FRMD4A: variants seen among roughly 807,000 people sequenced by gnomAD.
The protein encoded by FRMD4A is FERM domain containing 4A, also known as FERM domain-containing protein 4A.
In FRMD4A, 29 loss-of-function variants were observed where a neutral mutation model predicts 129.1. The observed-to-expected ratio is 0.22, with a 90% CI of 0.17 to 0.31. The LOEUF is 0.31. Ranked by LOEUF, FRMD4A falls within the 10% of genes least tolerant of loss-of-function variation. The probability of loss-of-function intolerance (pLI) is 1.00; values close to 1 mark genes in which losing one functional copy is unlikely to be tolerated. For synonymous variants in FRMD4A, 634 were observed against 571.6 expected, an observed-to-expected ratio of 1.11 and a Z score of -1.56; for missense variants, 1,272 against 1,375.8, an observed-to-expected ratio of 0.92 and a Z score of 1.19.
At chr10:14,207,567 T>A (rs144732593) in intron 2 of FRMD4A, among the ~76,000 whole-genome samples, 1 of 152,240 alleles carries the variant, frequency 6.6e-6, no homozygotes, top group East Asian at 1.9e-4. Flanking sequence ...TTAATTACAT[T>A]GTCCTTCCCC....
chr10:14,070,235 A>C (rs911454514), intron 2 of FRMD4A, among the ~76,000 whole-genome samples: 6 of 151,764 alleles, frequency 4.0e-5, no homozygotes, highest in African/African-American at 1.5e-4. Context: ...GACCCCTGTG[A>C]GGTGTAATCC....
At chr10:13,743,406 C>T (rs553050947) in intron 9 of FRMD4A, among the ~76,000 whole-genome samples, 1 of 152,118 alleles carries the variant, frequency 6.6e-6, no homozygotes, top group Non-Finnish European at 1.5e-5. Flanking sequence ...AAGTCGACTC[C>T]TAGATCCAGG....
chr10:14,162,102 A>G (rs1005619892), intron 2 of FRMD4A, among the ~76,000 whole-genome samples: 1 of 151,832 alleles, frequency 6.6e-6, no homozygotes, highest in Non-Finnish European at 1.5e-5. Flanking sequence ...AAATTAAGGT[A>G]TTTTTTATAT....
Position 13,822,401 on chromosome 10 carries a change from T to G in FRMD4A, c.112-11493A>C, listed in dbSNP as rs56191337. Among the ~76,000 whole-genome samples the G allele has an allele frequency of 6.9e-3, 1,052 of 152,248 alleles. 14 individuals are homozygous for G. The highest frequency in any genetic ancestry group is 0.023 in the African/African-American group (976 of 41,542). On this transcript the variant is annotated intron_variant, in intron 3 of 24. Coordinates refer to ENST00000357447, the MANE Select transcript of FRMD4A (RefSeq NM_018027.5). The stretch of plus-strand genomic sequence containing the variant: ...GCCAAGCCACCTTTTCTAAATGCAA[T>G]AGAATTTTGCCAGACAGTAAGTTCC...
intron 2 of FRMD4A, chr10:14,007,510 A>C (rs926323433): frequency 1.3e-5 from 2 of 152,456 alleles, no homozygotes; most frequent in Non-Finnish European, 2.9e-5. Flanking sequence ...ATTTTAAGCC[A>C]AAATCCATAG....
chr10:14,162,747 G>C (rs562882980), intron 2 of FRMD4A, among the ~76,000 whole-genome samples: 1 of 145,562 alleles, frequency 6.9e-6, no homozygotes, highest in Non-Finnish European at 1.5e-5. Context: ...TTAGCTGGTT[G>C]CTGCAGGTAC....
chr10:14,316,459 A>G (rs1469229617), intron 2 of FRMD4A, among the ~76,000 whole-genome samples: 1 of 142,624 alleles, frequency 7.0e-6, no homozygotes, highest in East Asian at 2.2e-4. Context: ...GAAAAAATAG[A>G]TTTATGTTCA....
intron 2 of FRMD4A, among the ~76,000 whole-genome samples, chr10:14,122,325 G>GT (rs1029269101): frequency 2.6e-5 from 4 of 151,848 alleles, no homozygotes; most frequent in Admixed American, 6.6e-5. Context: ...AGCTCACAAG[G>GT]TTTTTTTTAT....
intron 2 of FRMD4A, among the ~76,000 whole-genome samples, chr10:14,088,572 G>T (rs1836437680): frequency 6.6e-6 from 1 of 151,782 alleles, no homozygotes; most frequent in Non-Finnish European, 1.5e-5. Context: ...GTCAAGACAA[G>T]CCTGGCCTAC....
chr10:14,028,761 G>C (rs1210844712), intron 2 of FRMD4A, among the ~76,000 whole-genome samples: 1 of 152,150 alleles, frequency 6.6e-6, no homozygotes, highest in Non-Finnish European at 1.5e-5. Context: ...GAGGTATGTA[G>C]TACACCTCCT....
chr10:14,110,209 TAA>T (rs1204571413), intron 2 of FRMD4A, among the ~76,000 whole-genome samples: 1 of 142,186 alleles, frequency 7.0e-6, no homozygotes, highest in African/African-American at 2.6e-5. Flanking sequence ...CAGATGTGGT[TAA>T]AAAAAAAACA....
At chr10:13,799,400 C>T (rs1438789969) in intron 4 of FRMD4A, among the ~76,000 whole-genome samples, 3 of 152,202 alleles carry the variant, frequency 2.0e-5, no homozygotes, top group East Asian at 1.9e-4. Context: ...TCAGGCAATC[C>T]ACCTGCCTCG....
chr10:13,726,876 G>A (rs117536148), intron 12 of FRMD4A, among the ~76,000 whole-genome samples: 1,913 of 151,720 alleles, frequency 0.013, 100 homozygotes, highest in Admixed American at 0.089. Context: ...TGACAGGTGT[G>A]AGCCACCTAG....
intron 2 of FRMD4A, chr10:14,008,099 T>A: frequency 1.5e-6 from 2 of 1,303,352 alleles, no homozygotes; most frequent in Non-Finnish European, 2.0e-6. Context: ...CATAAGGAAT[T>A]TTCAGTAAAA....
At chr10:14,236,817 G>T (rs1843833211) in intron 2 of FRMD4A, among the ~76,000 whole-genome samples, 1 of 152,120 alleles carries the variant, frequency 6.6e-6, no homozygotes, top group Non-Finnish European at 1.5e-5. Flanking sequence ...TAAGAATGAG[G>T]ACAGCTAACG....
At chr10:13,735,189 T>C (rs907322995) in intron 12 of FRMD4A, among the ~76,000 whole-genome samples, 2 of 152,174 alleles carry the variant, frequency 1.3e-5, no homozygotes, top group Non-Finnish European at 2.9e-5. Flanking sequence ...ACTGTTTTTT[T>C]GAGCGAATGA....
intron 2 of FRMD4A, among the ~76,000 whole-genome samples, chr10:13,862,873 G>A (rs900176393): frequency 6.6e-6 from 1 of 151,824 alleles, no homozygotes; most frequent in African/African-American, 2.4e-5. Flanking sequence ...CAGGCACTCT[G>A]AAGTTTTCTT....
intron 3 of FRMD4A, among the ~76,000 whole-genome samples, chr10:13,826,593 A>C (rs548154226): frequency 6.6e-6 from 1 of 152,238 alleles, no homozygotes; most frequent in East Asian, 1.9e-4. Context: ...AAGTTCCCTA[A>C]GTGCTCTCCC....
chr10:13,698,035 C>T (rs1488489449), intron 14 of FRMD4A, among the ~76,000 whole-genome samples: 1 of 145,920 alleles, frequency 6.9e-6, no homozygotes, highest in Non-Finnish European at 1.5e-5. Context: ...CTCCCTCCGC[C>T]CTGTCTTAGA....
Sources: gnomAD v4.1 joint callset for allele counts (sites outside exome capture counted in the v4.1 genomes callset) on GRCh38, gnomAD v4.1.1 for gene constraint, MANE v1.5 for transcripts, NCBI Gene and HGNC (gene_info 2026-07-23, HGNC 2026-07-21) for gene names.